Variants in CLINT1 observed in about 807,000 individuals in gnomAD.
CLINT1 encodes the protein clathrin interacting protein localized in the trans-Golgi region.
A neutral mutation model predicts 70.4 loss-of-function variants in CLINT1; 15 were observed. The observed-to-expected ratio is 0.21, with a 90% CI of 0.14 to 0.33. CLINT1 has a LOEUF of 0.33. CLINT1 is among the 10% of genes least tolerant of loss of function. The probability of loss-of-function intolerance (pLI) is 1.00; values close to 1 mark genes in which losing one functional copy is unlikely to be tolerated. For synonymous variants in CLINT1, 227 were observed against 254.7 expected (o/e 0.89, Z 1.04); for missense variants, 615 against 778.1 (o/e 0.79, Z 2.49).
intron 10 of CLINT1, among the ~76,000 whole-genome samples, chr5:157,791,152 G>C (rs957113076): frequency 1.3e-4 from 20 of 152,146 alleles, no homozygotes; most frequent in East Asian, 5.8e-4. Context: ...TCCACCTCCT[G>C]GGTTCACGCC....
chr5:157,848,199 A>AGGCTG (rs1753447810), intron 1 of CLINT1, among the ~76,000 whole-genome samples: 1 of 149,792 alleles, frequency 6.7e-6, no homozygotes, highest in Non-Finnish European at 1.5e-5. Flanking sequence ...TTCCAGATTC[A>AGGCTG]AGCAATTCTG....
At chr5:157,840,148 T>C (rs1201876997) in intron 1 of CLINT1, among the ~76,000 whole-genome samples, 6 of 137,058 alleles carry the variant, frequency 4.4e-5, no homozygotes, top group Admixed American at 8.3e-5. Context: ...TAAGCAGAGA[T>C]TGTGCCACTG....
chr5:157,827,137 T>A (rs770225776), intron 1 of CLINT1, among the ~76,000 whole-genome samples: 17 of 151,984 alleles, frequency 1.1e-4, no homozygotes, highest in Admixed American at 2.0e-4. Flanking sequence ...AATCTTAAAA[T>A]TTTTTTTCCA....
intron 1 of CLINT1, among the ~76,000 whole-genome samples, chr5:157,833,653 AGTGTATCAGACCG>A (rs1293861474): frequency 6.6e-6 from 1 of 152,132 alleles, no homozygotes; most frequent in East Asian, 1.9e-4. Context: ...AACTAAAACC[AGTGTATCAGACCG>A]GTGTGGCAGC....
chr5:157,851,334 A>C (rs1363399430), intron 1 of CLINT1, among the ~76,000 whole-genome samples: 1 of 152,182 alleles, frequency 6.6e-6, no homozygotes, highest in Non-Finnish European at 1.5e-5. Context: ...TTTATATTAA[A>C]GTTATCTAGA....
At chr5:157,794,842 G>C in intron 9 of CLINT1, 56 bp downstream of exon 9, 2 of 1,342,022 alleles carry the variant, frequency 1.5e-6, no homozygotes, top group Non-Finnish European at 2.1e-6. Context: ...AATGGGAGTT[G>C]TTTTTAATAA....
chr5:157,809,568 C>A, intron 6 of CLINT1, 60 bp downstream of exon 6: 1 of 1,432,382 alleles, frequency 7.0e-7, no homozygotes, highest in South Asian at 1.5e-5. Flanking sequence ...AAACCAAAAA[C>A]CCAGTGGCAT....
At chr5:157,844,660 C>T (rs915409566) in intron 1 of CLINT1, among the ~76,000 whole-genome samples, 1 of 152,168 alleles carries the variant, frequency 6.6e-6, no homozygotes, top group African/African-American at 2.4e-5. Flanking sequence ...AAATTATCCA[C>T]ACTGAACATA....
chr5:157,808,800 A>C (rs985010116), intron 6 of CLINT1, among the ~76,000 whole-genome samples: 1 of 152,142 alleles, frequency 6.6e-6, no homozygotes, highest in Non-Finnish European at 1.5e-5. Context: ...CTGGCACAGA[A>C]TCATAATGAA....
At chr5:157,794,497 C>T (rs1388085298) in intron 9 of CLINT1, among the ~76,000 whole-genome samples, 3 of 152,104 alleles carry the variant, frequency 2.0e-5, no homozygotes, top group African/African-American at 7.2e-5. Context: ...AAAAGGAATG[C>T]ATTTTAGTAA....
In CLINT1 at chr5:157,858,910, A is replaced by G; in HGVS notation, c.41+20T>C. 1 of 615,076 alleles carries G rather than the reference A, an allele frequency of 1.6e-6. No individual in the cohort carries two copies. Among genetic ancestry groups the G allele is most frequent in the Non-Finnish European group, 2.6e-6 (1 of 390,538 alleles). The allele number at this position is 615,076 out of a possible 1,614,324, so 38.1% of individuals were successfully genotyped here. ...CCTCCCCCACGTGGGCCTCGGCCAC[A>G]ACTGCCCCCCGATACTCACGCTTTG... On this transcript the variant is annotated intron_variant, in intron 1 of 11. Transcript: ENST00000411809.
At chr5:157,820,324 C>T (rs1252441752) in intron 1 of CLINT1, among the ~76,000 whole-genome samples, 3 of 152,104 alleles carry the variant, frequency 2.0e-5, no homozygotes, top group African/African-American at 7.2e-5. Context: ...TAGCGTGTAC[C>T]TGTGGTCCCA....
chr5:157,809,045 T>C (rs895216700), intron 6 of CLINT1: 4 of 152,096 alleles, frequency 2.6e-5, no homozygotes, highest in Non-Finnish European at 5.9e-5. Flanking sequence ...GGAAAGTATG[T>C]CAATACTAAT....
At chr5:157,830,948 G>A (rs1180539092) in intron 1 of CLINT1, among the ~76,000 whole-genome samples, 3 of 151,614 alleles carry the variant, frequency 2.0e-5, no homozygotes, top group Non-Finnish European at 4.4e-5. Flanking sequence ...TGGGGCTGAG[G>A]TGGAAAGACT....
chr5:157,829,310 T>C (rs1464857761), intron 1 of CLINT1, among the ~76,000 whole-genome samples: 2 of 152,232 alleles, frequency 1.3e-5, no homozygotes, highest in Non-Finnish European at 2.9e-5. Flanking sequence ...TATGTTTCTT[T>C]AAAACTTCCA....
At chr5:157,855,532 C>T (rs1447674771) in intron 1 of CLINT1, among the ~76,000 whole-genome samples, 1 of 152,148 alleles carries the variant, frequency 6.6e-6, no homozygotes, top group African/African-American at 2.4e-5. Flanking sequence ...CTCTGGCAGG[C>T]CTATGGCTTT....
intron 1 of CLINT1, among the ~76,000 whole-genome samples, chr5:157,835,949 A>G (rs140116903): frequency 5.9e-4 from 90 of 152,340 alleles, no homozygotes; most frequent in African/African-American, 2.1e-3. Flanking sequence ...CTGAGTGTAA[A>G]CTATGGATTT....
At chr5:157,822,936 A>G (rs1490310030) in intron 1 of CLINT1, among the ~76,000 whole-genome samples, 1 of 152,226 alleles carries the variant, frequency 6.6e-6, no homozygotes, top group African/African-American at 2.4e-5. Context: ...ATAATGTGGT[A>G]CTAACTGCTA....
chr5:157,811,598 T>C (rs988378370), intron 5 of CLINT1, among the ~76,000 whole-genome samples: 32 of 151,058 alleles, frequency 2.1e-4, no homozygotes, highest in African/African-American at 7.0e-4. Context: ...TAAGTCTGAA[T>C]AACATAAACC....
Sources: allele counts gnomAD v4.1 joint callset (sites outside exome capture counted in the v4.1 genomes callset), GRCh38; gene constraint gnomAD v4.1.1; transcripts MANE v1.5; gene names NCBI Gene and HGNC (gene_info 2026-07-23, HGNC 2026-07-21).